ARHGAP5: variants seen among roughly 807,000 people sequenced by gnomAD.
The protein encoded by ARHGAP5 is Rho GTPase activating protein 5, also known as rho GTPase-activating protein 5.
A neutral mutation model predicts 116.6 loss-of-function variants in ARHGAP5; 23 were observed. That is an observed-to-expected ratio of 0.20 (90% CI 0.14 to 0.28). ARHGAP5 has a LOEUF of 0.28. ARHGAP5 is among the 10% of genes least tolerant of loss of function. ARHGAP5 has a pLI of 1.00. For missense variants in ARHGAP5, 1,405 were observed against 1,774.8 expected, an observed-to-expected ratio of 0.79 and a Z score of 3.74; for synonymous variants, 574 against 602.0, an observed-to-expected ratio of 0.95 and a Z score of 0.68.
At chr14:32,112,686 C>G (rs960712879) in intron 2 of ARHGAP5, among the ~76,000 whole-genome samples, 1 of 152,094 alleles carries the variant, frequency 6.6e-6, no homozygotes, top group African/African-American at 2.4e-5. Flanking sequence ...TCCTGGCTAA[C>G]GTGGTGAAAC....
intron 2 of ARHGAP5, among the ~76,000 whole-genome samples, chr14:32,100,558 G>A (rs1443589143): frequency 6.6e-6 from 1 of 152,084 alleles, no homozygotes; most frequent in Non-Finnish European, 1.5e-5. Context: ...CACTGTTTTA[G>A]GTTATTATAA....
chr14:32,093,092 C>T lies in ARHGAP5; in HGVS notation c.2423C>T (p.Ala808Val). Residue 808 changes from alanine (A) to valine (V), a missense_variant, in exon 2 of 7, where the codon GCT becomes GTT. By Grantham distance (64) the Ala-to-Val change is moderately conservative (BLOSUM62 0). Transcript: ENST00000345122. ...CTTGATTCTCATTCTTGCAGTGCTG[C>T]TCAAGCTGGACAGAATAATTCCCTA... ...PFLDSHSCSA[A>V]QAGQNNSLML... 6.2e-7 allele frequency: 1 copy of T among 1,613,840 alleles called. No homozygotes were observed. Among genetic ancestry groups the T allele is most frequent in the Admixed American group, 1.7e-5 (1 of 59,994 alleles).
In ARHGAP5 at chr14:32,091,218, T is replaced by C; in HGVS notation, c.549T>C (p.Leu183=). ...FDDQLKFVNN[L]FVQLSKSKKP... is the part of the protein sequence containing the mutation. ...ATCAACTTAAATTTGTGAATAACCT[T>C]TTTGTCCAGTTATCAAAATCAAAAA... The change falls in exon 2 of 7, where the codon CTT becomes CTC. Residue 183 remains leucine (L), a synonymous_variant. Transcript: ENST00000345122. 1 of 1,612,886 alleles carries C rather than the reference T, an allele frequency of 6.2e-7. No individual in the cohort carries two copies. Among genetic ancestry groups the C allele is most frequent in the South Asian group, 1.1e-5 (1 of 90,826 alleles).
intron 2 of ARHGAP5, among the ~76,000 whole-genome samples, chr14:32,103,456 T>C (rs915483644): frequency 1.3e-5 from 2 of 152,230 alleles, no homozygotes; most frequent in Non-Finnish European, 2.9e-5. Context: ...TCTTAGTGTT[T>C]ATAGCAGCGT....
At chr14:32,123,994 C>G (rs1042591993) in intron 3 of ARHGAP5, among the ~76,000 whole-genome samples, 2 of 152,150 alleles carry the variant, frequency 1.3e-5, no homozygotes, top group African/African-American at 2.4e-5. Flanking sequence ...AACCAAAGAA[C>G]CCAGAGACTC....
At chr14:32,119,937 T>C (rs954056748) in intron 3 of ARHGAP5, among the ~76,000 whole-genome samples, 6 of 152,172 alleles carry the variant, frequency 3.9e-5, no homozygotes, top group Non-Finnish European at 8.8e-5. Context: ...TAGTTTTCTT[T>C]TCTTGCAGTG....
chr14:32,084,969 A>G lies in ARHGAP5; in HGVS notation c.-168-5533A>G, dbSNP rs930725328. Among the ~76,000 whole-genome samples, 4 of 152,098 alleles carry G rather than the reference A, an allele frequency of 2.6e-5. No homozygotes were observed. The South Asian group carries it at 6.2e-4, about 24-fold the overall frequency. ...GGCTGCAGTAAGCTATGATCCTGCCACTGTACTCTAGAATGGGTGACAGTG... is the reference window on the plus strand; with the variant it reads ...GGCTGCAGTAAGCTATGATCCTGCCGCTGTACTCTAGAATGGGTGACAGTG... On this transcript the variant is annotated intron_variant, in intron 1 of 6. Coordinates refer to ENST00000345122, the MANE Select transcript of ARHGAP5 (RefSeq NM_001030055.2).
intron 3 of ARHGAP5, among the ~76,000 whole-genome samples, chr14:32,144,869 G>A (rs1028015688): frequency 2.6e-5 from 4 of 152,120 alleles, no homozygotes; most frequent in African/African-American, 9.7e-5. Context: ...GTTTGTAATT[G>A]CACATTGTAT....
At chr14:32,153,125 G>T (rs927368958) in intron 6 of ARHGAP5, among the ~76,000 whole-genome samples, 1 of 149,638 alleles carries the variant, frequency 6.7e-6, no homozygotes, top group Non-Finnish European at 1.5e-5. Flanking sequence ...CCTAAAAGAG[G>T]ATTCACCAAT....
intron 1 of ARHGAP5, among the ~76,000 whole-genome samples, chr14:32,087,126 A>G (rs951064152): frequency 3.9e-5 from 6 of 152,088 alleles, no homozygotes; most frequent in Admixed American, 3.3e-4. Context: ...AGTTAACTCA[A>G]ACAGCCTTCA....
intron 3 of ARHGAP5, among the ~76,000 whole-genome samples, chr14:32,130,593 T>C (rs1003251025): frequency 1.3e-5 from 2 of 151,918 alleles, no homozygotes; most frequent in African/African-American, 2.4e-5. Context: ...CAGTCTGGAG[T>C]GCAGTGGCGC....
intron 2 of ARHGAP5, among the ~76,000 whole-genome samples, chr14:32,101,072 C>G (rs971519175): frequency 6.6e-6 from 1 of 151,980 alleles, no homozygotes; most frequent in East Asian, 1.9e-4. Context: ...TTTTTAACTT[C>G]TTTTTAAATT....
rs185364317 is a variant in ARHGAP5, at chr14:32,157,003, C to G, written c.*2055C>G. On this transcript the variant is annotated 3_prime_UTR_variant, in exon 7 of 7. Transcript: ENST00000345122. Reference sequence around the variant, plus strand: ...TTTTATACTGTATTAATTTAATGTTCATCTGCGTTTAGTACCATTTTTGTT... The same window carrying G: ...TTTTATACTGTATTAATTTAATGTTGATCTGCGTTTAGTACCATTTTTGTT... The G allele has an allele frequency of 3.7e-4, 57 of 152,364 alleles. No individual in the cohort carries two copies. The highest frequency in any genetic ancestry group is 1.3e-3 in the African/African-American group (54 of 41,534). 9.4% of individuals were successfully genotyped at this position (152,364 alleles called of 1,614,324 possible).
At chr14:32,154,244 A>T in intron 6 of ARHGAP5, 1 of 184,802 alleles carries the variant, frequency 5.4e-6, no homozygotes, top group Non-Finnish European at 1.1e-5. Context: ...CCCACCTCCC[A>T]GGTTCAAGCG....
At position 32,092,656 on chromosome 14, in the gene ARHGAP5, A is replaced by C. The variant is rs1566661134; in HGVS notation, c.1987A>C (p.Asn663His). The change falls in exon 2 of 7, where the codon AAT becomes CAT. Residue 663 changes from asparagine to histidine, a missense_variant. Around this residue, in one of 6 missense-constraint regions of ARHGAP5, gnomAD observed 944 missense variants for 1,095.3 expected, o/e 0.86. Coordinates refer to ENST00000345122, the MANE Select transcript of ARHGAP5 (RefSeq NM_001030055.2). The surrounding 1 kb of genome is among the most constrained non-coding windows in gnomAD (Gnocchi z 4.1). Reference sequence around the variant, plus strand: ...ACCACATGGGTGCTTCTGTGTATTTAATTCCATTGAGTCATTGAGTTTTAT... The same window carrying C: ...ACCACATGGGTGCTTCTGTGTATTTCATTCCATTGAGTCATTGAGTTTTAT... ...FKPHGCFCVFNSIESLSFIGE... is the reference protein window; with the variant it reads ...FKPHGCFCVFHSIESLSFIGE... 1 of 1,613,992 alleles carries C rather than the reference A, an allele frequency of 6.2e-7. No homozygotes were observed. The highest frequency in any genetic ancestry group is 1.1e-5 in the South Asian group (1 of 91,068).
chr14:32,114,722 C>A (rs777754458), intron 2 of ARHGAP5, among the ~76,000 whole-genome samples: 1 of 152,038 alleles, frequency 6.6e-6, no homozygotes, highest in Non-Finnish European at 1.5e-5. Flanking sequence ...GATGGAGTGA[C>A]CTGAAATTGA....
At chr14:32,126,998 CTTTTT>C (rs772990418) in intron 3 of ARHGAP5, among the ~76,000 whole-genome samples, 1 of 134,504 alleles carries the variant, frequency 7.4e-6, no homozygotes, top group Non-Finnish European at 1.6e-5. Context: ...AATATGATAT[CTTTTT>C]TTTTTTTTTT....
intron 3 of ARHGAP5, among the ~76,000 whole-genome samples, chr14:32,140,076 T>TC (rs1881022630): frequency 6.8e-6 from 1 of 147,330 alleles, no homozygotes. Flanking sequence ...CTTTTTTTTT[T>TC]TTTTTTTTAG....
rs1181598060 is a variant in ARHGAP5 at position 32,146,094 on chromosome 14, TAG to T, written c.3866-165_3866-164del. Reference sequence around the variant, plus strand: ...CAGCTAAGTTTTTCTTTATTATTTGTAGAGACAGAGTCTCCCTGTGTTGCCCA... The same window carrying T: ...CAGCTAAGTTTTTCTTTATTATTTGTAGACAGAGTCTCCCTGTGTTGCCCA... On this transcript the variant is annotated intron_variant, in intron 3 of 6. Coordinates refer to ENST00000345122, the MANE Select transcript of ARHGAP5 (RefSeq NM_001030055.2). Among the ~76,000 whole-genome samples the T allele has an allele frequency of 3.3e-5, 5 of 152,126 alleles. No homozygotes were observed. The South Asian group carries it at 8.3e-4, about 25-fold the overall frequency.
Sources: allele counts gnomAD v4.1 joint callset (sites outside exome capture counted in the v4.1 genomes callset), GRCh38; gene constraint gnomAD v4.1.1; regional missense constraint gnomAD v4.1.1; non-coding constraint Gnocchi (gnomAD v3.1); transcripts MANE v1.5; gene names NCBI Gene and HGNC (gene_info 2026-07-23, HGNC 2026-07-21).